Variants in PHF24 observed in about 807,000 individuals in gnomAD.
PHF24 encodes the protein Galpha inhibitory interacting protein.
A neutral mutation model predicts 42.6 loss-of-function variants in PHF24; 25 were observed. That is an observed-to-expected ratio of 0.59 (90% CI 0.43 to 0.82). The LOEUF (loss-of-function observed/expected upper bound fraction) is 0.82, where lower values mean the gene tolerates loss of function less well. Among genes scored for constraint, PHF24 ranks in the 40% least tolerant of loss-of-function variants. The pLI, the probability that PHF24 is intolerant of heterozygous loss-of-function variation, is 0.00. For missense variants in PHF24, 470 were observed against 538.1 expected (o/e 0.87, Z 1.25); for synonymous variants, 185 against 204.8 (o/e 0.90, Z 0.83).
the PHF24 span, among the ~76,000 whole-genome samples, chr9:34,885,786 C>T: frequency 6.6e-6 from 1 of 151,764 alleles, no homozygotes; most frequent in African/African-American, 2.4e-5. Context: ...TCCAAGAGCA[C>T]CTGCTGCACA....
chr9:34,882,870 G>A, the PHF24 span, among the ~76,000 whole-genome samples: 2 of 152,118 alleles, frequency 1.3e-5, no homozygotes, highest in African/African-American at 2.4e-5. Context: ...CTACTTTAAA[G>A]TTCGTGTGGA....
chr9:34,694,055 A>C, the PHF24 span, among the ~76,000 whole-genome samples: 1 of 152,074 alleles, frequency 6.6e-6, no homozygotes, highest in Non-Finnish European at 1.5e-5. Context: ...AGGCAGGAGA[A>C]TCCCAAGGCT....
At chr9:34,859,419 T>A in the PHF24 span, among the ~76,000 whole-genome samples, 1 of 152,208 alleles carries the variant, frequency 6.6e-6, no homozygotes, top group Non-Finnish European at 1.5e-5. Context: ...ACTGGAGAAG[T>A]GGTCAGGCAA....
chr9:34,941,793 C>A, the PHF24 span, among the ~76,000 whole-genome samples: 1 of 152,086 alleles, frequency 6.6e-6, no homozygotes, highest in Non-Finnish European at 1.5e-5. Flanking sequence ...GGACATTAAT[C>A]CCATTCATTT....
the PHF24 span, among the ~76,000 whole-genome samples, chr9:34,912,472 T>C: frequency 6.6e-6 from 1 of 152,118 alleles, no homozygotes; most frequent in South Asian, 2.1e-4. Context: ...CCATGTGCAT[T>C]GTCACAAGTC....
At chr9:34,780,290 C>CTTTTTTTGT in the PHF24 span, among the ~76,000 whole-genome samples, 1 of 113,952 alleles carries the variant, frequency 8.8e-6, no homozygotes, top group African/African-American at 3.1e-5. Context: ...TCTTTTTTTT[C>CTTTTTTTGT]TTTTTTTCTT....
the PHF24 span, among the ~76,000 whole-genome samples, chr9:34,777,804 A>C: frequency 6.6e-6 from 1 of 151,916 alleles, no homozygotes; most frequent in South Asian, 2.1e-4. Flanking sequence ...GGGTGAGGCA[A>C]TTTTCTGTAG....
the PHF24 span, among the ~76,000 whole-genome samples, chr9:34,877,699 A>C: frequency 6.6e-6 from 1 of 152,062 alleles, no homozygotes; most frequent in African/African-American, 2.4e-5. Flanking sequence ...GGGGGAAGGG[A>C]GAGAGGGACT....
the PHF24 span, among the ~76,000 whole-genome samples, chr9:34,768,880 A>G: frequency 6.6e-6 from 1 of 151,084 alleles, no homozygotes; most frequent in African/African-American, 2.5e-5. Flanking sequence ...AAAATTTACT[A>G]CTACTAGTAG....
At chr9:34,672,577 C>T in the PHF24 span, among the ~76,000 whole-genome samples, 1 of 152,076 alleles carries the variant, frequency 6.6e-6, no homozygotes, top group Non-Finnish European at 1.5e-5. Flanking sequence ...TGGGGACTCT[C>T]TGCAGGGTCG....
At chr9:34,954,846 C>A (rs146517375), upstream of PHF24, among the ~76,000 whole-genome samples, 3 of 152,296 alleles carry the variant, frequency 2.0e-5, no homozygotes, top group African/African-American at 7.2e-5. Context: ...CAGAGCAAGA[C>A]CCTGTCTCAA....
At chr9:34,915,453 C>A in the PHF24 span, among the ~76,000 whole-genome samples, 1 of 150,576 alleles carries the variant, frequency 6.6e-6, no homozygotes, top group Admixed American at 6.6e-5. Flanking sequence ...AGGTAGTCCT[C>A]ATTTCATATT....
chr9:34,942,860 G>T, the PHF24 span, among the ~76,000 whole-genome samples: 4 of 151,156 alleles, frequency 2.6e-5, no homozygotes, highest in Non-Finnish European at 4.4e-5. Context: ...GGGATGGGGG[G>T]CAGGGGGGAG....
At chr9:34,675,360 G>C in the PHF24 span, among the ~76,000 whole-genome samples, 2 of 152,152 alleles carry the variant, frequency 1.3e-5, no homozygotes, top group African/African-American at 4.8e-5. Flanking sequence ...GGCCTAAGTG[G>C]GCTGTCATGT....
At chr9:34,779,221 G>T in the PHF24 span, among the ~76,000 whole-genome samples, 1 of 151,720 alleles carries the variant, frequency 6.6e-6, no homozygotes, top group Non-Finnish European at 1.5e-5. Flanking sequence ...AAGGCAAGCA[G>T]AAGGAAGAAA....
the PHF24 span, chr9:34,728,106 A>T: frequency 1.3e-6 from 2 of 1,550,024 alleles, no homozygotes; most frequent in Non-Finnish European, 1.7e-6. Flanking sequence ...AGACAGTGTT[A>T]TATGGCATGG....
the PHF24 span, among the ~76,000 whole-genome samples, chr9:34,919,195 C>T: frequency 1.3e-5 from 2 of 152,138 alleles, no homozygotes; most frequent in South Asian, 2.1e-4. Context: ...TGTAATTGTA[C>T]ATATTAAAGC....
chr9:34,809,047 A>T, the PHF24 span, among the ~76,000 whole-genome samples: 4,768 of 49,914 alleles, frequency 0.096, 262 homozygotes, highest in African/African-American at 0.23. The surrounding 1 kb of genome is among the most constrained non-coding windows in gnomAD (Gnocchi z 4.1). Flanking sequence ...TAAAAAAAAA[A>T]AATAATAAAT....
At chr9:34,811,461 T>G in the PHF24 span, among the ~76,000 whole-genome samples, 1 of 152,230 alleles carries the variant, frequency 6.6e-6, no homozygotes, top group African/African-American at 2.4e-5. Context: ...GGCTGTCTTG[T>G]TCTCCTGCTT....
Sources: gnomAD v4.1 joint callset for allele counts (sites outside exome capture counted in the v4.1 genomes callset) on GRCh38, gnomAD v4.1.1 for gene constraint, Gnocchi (gnomAD v3.1) non-coding constraint, MANE v1.5 for transcripts, NCBI Gene and HGNC (gene_info 2026-07-23, HGNC 2026-07-21) for gene names.